The following SAA2 variants were observed in gnomAD, a reference collection of about 807,000 sequenced individuals.
SAA2 encodes serum amyloid A2.
Under a neutral mutation model 9.1 loss-of-function variants are expected in SAA2, and 5 were observed. That is an observed-to-expected ratio of 0.55 (90% CI 0.29 to 1.16). The LOEUF is 1.16. Among genes scored for constraint, SAA2 ranks in the 50% most tolerant of loss-of-function variants. The pLI is 0.09. For missense variants in SAA2, 94 were observed against 153.8 expected, an observed-to-expected ratio of 0.61 and a Z score of 2.06; for synonymous variants, 49 against 59.8, an observed-to-expected ratio of 0.82 and a Z score of 0.83.
rs200951446 is a variant in SAA2, at chr11:18,245,488, G to T, written c.258C>A (p.Leu86=). 12 of 1,614,166 alleles carry T rather than the reference G, an allele frequency of 7.4e-6. No individual in the cohort carries two copies. The East Asian group carries it at 1.6e-4, about 21-fold the overall frequency. The change falls in exon 4 of 4, where the codon CTC becomes CTA. Residue 86 remains leucine, a synonymous_variant. Transcript: ENST00000256733. ...ISNARENIQR[L]TGRGAEDSLA... ...GCGAGTCCTCCGCACCACGGCCTGT[G>T]AGTCTCTGGATATTCTCTCTGGCAT...
At chr11:18,240,033 A>G in intron 3 of SAA2, 3 of 1,543,746 alleles carry the variant, frequency 1.9e-6, no homozygotes, top group Non-Finnish European at 2.6e-6. Context: ...CAAGGGGGAA[A>G]ATCACAGGAG....
At chr11:18,247,880 T>C (rs779630172) in intron 2 of SAA2, 41 bp downstream of exon 2, 30 of 1,613,688 alleles carry the variant, frequency 1.9e-5, no homozygotes, top group Non-Finnish European at 2.3e-5. Context: ...TCCAGGGCGA[T>C]GTTTCTCTTC....
intron 2 of SAA2, among the ~76,000 whole-genome samples, chr11:18,247,298 T>G (rs1415234354): frequency 1.3e-5 from 2 of 150,696 alleles, no homozygotes; most frequent in African/African-American, 4.9e-5. Flanking sequence ...TAAAGAGCCC[T>G]GTACATTATC....
chr11:18,239,008 T>C (rs914420934), downstream of SAA2, among the ~76,000 whole-genome samples: 2 of 152,220 alleles, frequency 1.3e-5, no homozygotes, highest in East Asian at 3.8e-4. Flanking sequence ...CTTTGGGCTA[T>C]AAAAGAATTT....
At chr11:18,244,617 C>G (rs866364529), downstream of SAA2, among the ~76,000 whole-genome samples, 3 of 152,308 alleles carry the variant, frequency 2.0e-5, no homozygotes, top group South Asian at 6.2e-4. Context: ...CAAAGGGACC[C>G]TGACTGATAA....
downstream of SAA2, among the ~76,000 whole-genome samples, chr11:18,242,983 C>T (rs553139686): frequency 1.3e-5 from 2 of 152,288 alleles, no homozygotes; most frequent in South Asian, 4.1e-4. Flanking sequence ...TTTGGGTGTG[C>T]CAGAGCATAG....
chr11:18,246,233 G>T (rs964733958), intron 2 of SAA2, among the ~76,000 whole-genome samples, 185 bp from the exon 3 acceptor site: 1 of 152,074 alleles, frequency 6.6e-6, no homozygotes, highest in Non-Finnish European at 1.5e-5. Flanking sequence ...TTCTTCAAGT[G>T]CCCTGGTGAA....
chr11:18,244,210 T>C (rs987016920), downstream of SAA2, among the ~76,000 whole-genome samples: 1 of 152,142 alleles, frequency 6.6e-6, no homozygotes, highest in Admixed American at 6.5e-5. Context: ...ATGCTGTGAG[T>C]TGGGGTTTCA....
chr11:18,245,575 C>T, intron 3 of SAA2, 60 bp from the exon 4 acceptor site: 1 of 1,585,682 alleles, frequency 6.3e-7, no homozygotes, highest in Non-Finnish European at 8.6e-7. Context: ...ACAGCTCACC[C>T]TCCCATTCTC....
exon 4 of SAA2, chr11:18,239,649 G>A: frequency 2.3e-6 from 1 of 425,948 alleles, no homozygotes; most frequent in South Asian, 8.2e-5. Flanking sequence ...CTCCATCAGG[G>A]ATTCTGGAAC....
At chr11:18,247,063 G>A (rs1228299457) in intron 2 of SAA2, among the ~76,000 whole-genome samples, 2 of 152,264 alleles carry the variant, frequency 1.3e-5, no homozygotes, top group Non-Finnish European at 2.9e-5. Flanking sequence ...CCTGCTGACT[G>A]GCAGTAAGTC....
chr11:18,239,800 C>T lies in SAA2; in HGVS notation c.*148G>A. 3 of 954,304 alleles carry T rather than the reference C, an allele frequency of 3.1e-6. No individual in the cohort carries two copies. In the South Asian group the frequency reaches 6.3e-5, roughly 20 times the overall value. The allele number at this position is 954,304 out of a possible 1,614,324, so 59.1% of individuals were successfully genotyped here. On this transcript the variant is annotated 3_prime_UTR_variant, in exon 4 of 4. Coordinates refer to the SAA2 transcript ENST00000414546. ...CAGACCTCTCTTCAGTCTCCATCCA[C>T]ATGCTGAGGGAGCTCATCCATGCCT... is the stretch of plus-strand genomic sequence containing the variant.
chr11:18,242,562 T>C (rs915063256), downstream of SAA2: 4 of 509,418 alleles, frequency 7.9e-6, no homozygotes, highest in African/African-American at 7.9e-5. Flanking sequence ...AATATAACAG[T>C]AGGCTGGGCT....
downstream of SAA2, chr11:18,240,350 GC>G (rs1461017757): frequency 1.4e-6 from 1 of 699,574 alleles, no homozygotes; most frequent in Non-Finnish European, 2.6e-6. Flanking sequence ...ATGGGATGCA[GC>G]CATAAGGCAG....
At chr11:18,238,992 T>C (rs937130584), downstream of SAA2, among the ~76,000 whole-genome samples, 3 of 152,218 alleles carry the variant, frequency 2.0e-5, no homozygotes, top group South Asian at 6.2e-4. Context: ...GTTGCAGCTT[T>C]CCCTACTTTG....
downstream of SAA2, among the ~76,000 whole-genome samples, chr11:18,243,218 G>A (rs1374553972): frequency 1.3e-5 from 2 of 152,000 alleles, no homozygotes; most frequent in African/African-American, 2.4e-5. Flanking sequence ...GTATCCAAAT[G>A]TTGCTTCAGT....
chr11:18,239,656 G>T (rs11024576), exon 4 of SAA2: 2 of 421,110 alleles, frequency 4.7e-6, no homozygotes, highest in South Asian at 1.7e-4. Flanking sequence ...AGGGATTCTG[G>T]AACACCATGC....
intron 3 of SAA2, 148 bp from the exon 4 acceptor site, chr11:18,245,663 C>T: frequency 7.2e-7 from 1 of 1,386,280 alleles, no homozygotes; most frequent in South Asian, 1.4e-5. Flanking sequence ...CCTGCCTGGG[C>T]ACTGCCCCAT....
At chr11:18,248,292 T>G (rs1857666586) in intron 1 of SAA2, 1 of 359,660 alleles carries the variant, frequency 2.8e-6, no homozygotes, top group African/African-American at 2.1e-5. Flanking sequence ...AAGTAGCCTA[T>G]AATTCCCCAT....
Sources: gnomAD v4.1 joint callset for allele counts (sites outside exome capture counted in the v4.1 genomes callset) on GRCh38, gnomAD v4.1.1 for gene constraint, MANE v1.5 for transcripts, NCBI Gene and HGNC (gene_info 2026-07-23, HGNC 2026-07-21) for gene names.